The following ZDHHC20 variants were observed in gnomAD, a reference collection of about 807,000 sequenced individuals.
ZDHHC20 encodes palmitoyltransferase ZDHHC20.
ZDHHC20 carries 43 observed loss-of-function variants against 57.8 expected under a neutral mutation model. That is an observed-to-expected ratio of 0.74 (90% CI 0.58 to 0.96). ZDHHC20 has a LOEUF of 0.96. ZDHHC20 is among the 40% of genes least tolerant of loss of function. The probability of loss-of-function intolerance (pLI) is 0.00; values close to 1 mark genes in which losing one functional copy is unlikely to be tolerated. For missense variants in ZDHHC20, 391 were observed against 441.1 expected (o/e 0.89, Z 1.02); for synonymous variants, 157 against 153.0 (o/e 1.03, Z -0.19).
chr13:21,376,943 C>T (rs1049585378), intron 12 of ZDHHC20: 2 of 211,656 alleles, frequency 9.4e-6, no homozygotes, highest in East Asian at 1.2e-4. Flanking sequence ...GGTCCACCTA[C>T]ACCTGTCCTA....
intron 1 of ZDHHC20, among the ~76,000 whole-genome samples, chr13:21,444,678 T>C (rs1015695095): frequency 4.6e-5 from 7 of 152,298 alleles, no homozygotes; most frequent in African/African-American, 9.6e-5. Context: ...TGAAAGTTAG[T>C]AGGTATATCC....
chr13:21,389,858 A>G (rs1875341603), intron 8 of ZDHHC20, among the ~76,000 whole-genome samples: 1 of 152,230 alleles, frequency 6.6e-6, no homozygotes, highest in Non-Finnish European at 1.5e-5. Flanking sequence ...TCACTCACAT[A>G]GATTTTATTG....
intron 1 of ZDHHC20, among the ~76,000 whole-genome samples, chr13:21,447,064 A>G (rs1883782773): frequency 6.6e-6 from 1 of 151,950 alleles, no homozygotes; most frequent in Non-Finnish European, 1.5e-5. Flanking sequence ...CTTCCTGGAG[A>G]ATACATGGAA....
chr13:21,382,239 G>GT (rs1464288791), intron 10 of ZDHHC20, among the ~76,000 whole-genome samples: 1 of 152,130 alleles, frequency 6.6e-6, no homozygotes, highest in Non-Finnish European at 1.5e-5. Context: ...AAGGTCTAAG[G>GT]TTTTAAGCTA....
chr13:21,416,940 C>G (rs1375110179), intron 3 of ZDHHC20, among the ~76,000 whole-genome samples: 2 of 152,204 alleles, frequency 1.3e-5, no homozygotes, highest in African/African-American at 4.8e-5. Context: ...CTGGCAAACT[C>G]TGTAGGATTA....
At chr13:21,452,589 T>C (rs1227496810) in intron 1 of ZDHHC20, among the ~76,000 whole-genome samples, 1 of 152,162 alleles carries the variant, frequency 6.6e-6, no homozygotes, top group Non-Finnish European at 1.5e-5. Flanking sequence ...CCTAAATCTT[T>C]AAAAACTATT....
Position 21,374,505 on chromosome 13 carries a change from G to T in ZDHHC20, c.*2191C>A, listed in dbSNP as rs1337188284. ...CAGCCTTGGCCTCCCAAAGTGCTGG[G>T]ATTACAGGCATGAGCCACCACACCC... On this transcript the variant is annotated 3_prime_UTR_variant, in exon 13 of 13. Transcript: ENST00000400590. The T allele has an allele frequency of 2.2e-6, 1 of 449,046 alleles. No individual in the cohort carries two copies. Among genetic ancestry groups the T allele is most frequent in the East Asian group, 7.0e-5 (1 of 14,324 alleles). The allele number at this position is 449,046 out of a possible 1,614,324, so 27.8% of individuals were successfully genotyped here.
At chr13:21,414,242 T>A (rs1260348385) in intron 3 of ZDHHC20, among the ~76,000 whole-genome samples, 1 of 151,772 alleles carries the variant, frequency 6.6e-6, no homozygotes, top group Non-Finnish European at 1.5e-5. Flanking sequence ...TTTTTTTTTT[T>A]TTTAACCATT....
chr13:21,405,826 A>C (rs568982364), intron 4 of ZDHHC20, among the ~76,000 whole-genome samples: 13 of 152,360 alleles, frequency 8.5e-5, no homozygotes, highest in African/African-American at 3.1e-4. Context: ...AAATGCTACA[A>C]ATTTTAAAAG....
At chr13:21,388,100 T>C (rs1208511245) in intron 8 of ZDHHC20, among the ~76,000 whole-genome samples, 1 of 152,122 alleles carries the variant, frequency 6.6e-6, no homozygotes, top group African/African-American at 2.4e-5. Flanking sequence ...CATGACGTAC[T>C]GGGAGCACAG....
At chr13:21,385,147 G>C (rs539668960) in intron 9 of ZDHHC20, among the ~76,000 whole-genome samples, 1 of 152,036 alleles carries the variant, frequency 6.6e-6, no homozygotes, top group African/African-American at 2.4e-5. Flanking sequence ...ACAACATCTG[G>C]GCCAGGCACG....
At position 21,387,531 on chromosome 13, in the gene ZDHHC20, A is replaced by G; in HGVS notation, c.831T>C (p.Tyr277=). Residue 277 remains tyrosine (Y), a synonymous_variant, in exon 9 of 13, where the codon TAT becomes TAC. Transcript: ENST00000400590. ...ACCTTGAAAATATTGGAAGTAGCCA[A>G]TATTTCTTTTCATCACCAAAGACTT... is the stretch of plus-strand genomic sequence containing the variant. ...WRQVFGDEKK[Y]WLLPIFSSLG... is the part of the protein sequence containing the mutation. 6 of 1,537,188 alleles carry G rather than the reference A, an allele frequency of 3.9e-6. No individual in the cohort carries two copies. Among genetic ancestry groups the G allele is most frequent in the Non-Finnish European group, 3.5e-6 (4 of 1,139,820 alleles).
chr13:21,433,355 T>C (rs1000351763), intron 1 of ZDHHC20, among the ~76,000 whole-genome samples: 60 of 152,244 alleles, frequency 3.9e-4, no homozygotes, highest in African/African-American at 1.3e-3. Flanking sequence ...TGGTGGCTCA[T>C]GCCTGTAATC....
chr13:21,451,704 T>G (rs920230434), intron 1 of ZDHHC20, among the ~76,000 whole-genome samples: 1 of 152,008 alleles, frequency 6.6e-6, no homozygotes, highest in Non-Finnish European at 1.5e-5. Context: ...AAAGACCACT[T>G]ATTGGCCGGG....
intron 1 of ZDHHC20, among the ~76,000 whole-genome samples, chr13:21,450,168 A>G (rs1884311284): frequency 6.6e-6 from 1 of 152,166 alleles, no homozygotes; most frequent in African/African-American, 2.4e-5. Flanking sequence ...AGAAAAAAAA[A>G]GAAAATCAAG....
chr13:21,409,949 G>A (rs979289667), intron 4 of ZDHHC20, among the ~76,000 whole-genome samples: 1 of 152,114 alleles, frequency 6.6e-6, no homozygotes, highest in Non-Finnish European at 1.5e-5. Flanking sequence ...GTGACCCTTT[G>A]GAGGAGGAGA....
Position 21,375,249 on chromosome 13 carries a change from C to G in ZDHHC20, c.*1447G>C, listed in dbSNP as rs536221871. 2.2e-6 allele frequency: 1 copy of G among 444,998 alleles called. No individual in the cohort carries two copies. Among genetic ancestry groups the G allele is most frequent in the East Asian group, 7.0e-5 (1 of 14,310 alleles). The allele number at this position is 444,998 out of a possible 1,614,324, so 27.6% of individuals were successfully genotyped here. A position where few individuals can be genotyped will look rare whatever the true frequency, so the allele number is the denominator to read the frequency against. On this transcript the variant is annotated 3_prime_UTR_variant, in exon 13 of 13. Coordinates refer to ENST00000400590, the MANE Select transcript of ZDHHC20 (RefSeq NM_001330059.2). ...TTCACAACACCCCCTCCCCTGCAGT[C>G]CCATTTTACAGACAGGAAGCTCCAA...
At position 21,378,716 on chromosome 13, in the gene ZDHHC20, C is replaced by G; in HGVS notation, c.1083G>C (p.Val361=). 1 of 1,461,204 alleles carries G rather than the reference C, an allele frequency of 6.8e-7. No homozygotes were observed. The highest frequency in any genetic ancestry group is 9.1e-7 in the Non-Finnish European group (1 of 1,098,996). The allele number at this position is 1,461,204 out of a possible 1,614,324, so 90.5% of individuals were successfully genotyped here. A position where few individuals can be genotyped will look rare whatever the true frequency, so the allele number is the denominator to read the frequency against. ...CAAGTGGTACTCAATTTTCTATTGCCACTGTTACATGGTTATTTGTCCCTG... is the reference window on the plus strand; with the variant it reads ...CAAGTGGTACTCAATTTTCTATTGCGACTGTTACATGGTTATTTGTCCCTG... The part of the protein sequence containing the change: ...VKSGTNNHVT[V]AIEN The change falls in exon 12 of 13, where the codon GTG becomes GTC. Residue 361 remains valine, a synonymous_variant. Coordinates refer to ENST00000400590, the MANE Select transcript of ZDHHC20 (RefSeq NM_001330059.2).
At chr13:21,443,682 C>T (rs1023290688) in intron 1 of ZDHHC20, among the ~76,000 whole-genome samples, 2 of 152,134 alleles carry the variant, frequency 1.3e-5, no homozygotes, top group Admixed American at 1.3e-4. Context: ...TTGTAAAGAT[C>T]AAAAGATATA....
Sources: allele counts gnomAD v4.1 joint callset (sites outside exome capture counted in the v4.1 genomes callset), GRCh38; gene constraint gnomAD v4.1.1; transcripts MANE v1.5; gene names NCBI Gene and HGNC (gene_info 2026-07-23, HGNC 2026-07-21).